Variants in KIAA0825 observed in about 807,000 individuals in gnomAD.
KIAA0825 encodes the protein KIAA0825, also known as uncharacterized protein KIAA0825.
A neutral mutation model predicts 147.6 loss-of-function variants in KIAA0825; 119 were observed. That is an observed-to-expected ratio of 0.81 (90% CI 0.69 to 0.94). The LOEUF (loss-of-function observed/expected upper bound fraction) is 0.94, where lower values mean the gene tolerates loss of function less well. Among genes scored for constraint, KIAA0825 ranks in the 40% least tolerant of loss-of-function variants. The pLI is 0.00. For missense variants in KIAA0825, 1,381 were observed against 1,472.7 expected, an observed-to-expected ratio of 0.94 and a Z score of 1.02; for synonymous variants, 470 against 518.1, an observed-to-expected ratio of 0.91 and a Z score of 1.26.
At chr5:94,289,753 A>G (rs556551568) in intron 20 of KIAA0825, among the ~76,000 whole-genome samples, 23 of 151,646 alleles carry the variant, frequency 1.5e-4, no homozygotes, top group Middle Eastern at 3.4e-3. Context: ...GTTGAAAAAT[A>G]TTCAGGCCAG....
At chr5:94,494,066 A>C (rs1458356086) in intron 5 of KIAA0825, among the ~76,000 whole-genome samples, 1 of 152,142 alleles carries the variant, frequency 6.6e-6, no homozygotes, top group Non-Finnish European at 1.5e-5. Flanking sequence ...GTCACCCTGA[A>C]GCTATTCTTC....
intron 20 of KIAA0825, among the ~76,000 whole-genome samples, chr5:94,351,021 C>T (rs1030248938): frequency 6.6e-6 from 1 of 151,742 alleles, no homozygotes; most frequent in South Asian, 2.1e-4. Context: ...TGAAGGATGC[C>T]CACTCTTACC....
chr5:94,351,564 T>G (rs1039550786), intron 20 of KIAA0825, among the ~76,000 whole-genome samples: 26 of 152,154 alleles, frequency 1.7e-4, no homozygotes, highest in Non-Finnish European at 4.4e-5. Flanking sequence ...ACCACCATCA[T>G]TCTTCACAGA....
chr5:94,363,804 G>A (rs544325367), intron 20 of KIAA0825, among the ~76,000 whole-genome samples: 2 of 152,102 alleles, frequency 1.3e-5, no homozygotes, highest in African/African-American at 4.8e-5. Flanking sequence ...GGAATGTGAG[G>A]CTGCAGTGAG....
intron 15 of KIAA0825, chr5:94,415,378 T>C (rs946643617): frequency 6.6e-6 from 1 of 152,220 alleles, no homozygotes; most frequent in Non-Finnish European, 1.5e-5. Flanking sequence ...TCAGCTGTAT[T>C]ACTTGTAACA....
chr5:94,373,828 T>G (rs1204246675), intron 20 of KIAA0825, among the ~76,000 whole-genome samples: 1 of 152,204 alleles, frequency 6.6e-6, no homozygotes, highest in African/African-American at 2.4e-5. Context: ...TTTAGATATT[T>G]TAATTTCTCT....
intron 20 of KIAA0825, among the ~76,000 whole-genome samples, chr5:94,236,161 G>A (rs1306624650): frequency 6.6e-6 from 1 of 152,212 alleles, no homozygotes; most frequent in African/African-American, 2.4e-5. Flanking sequence ...ATGGACCTGG[G>A]AAAAGTCACT....
At chr5:94,474,398 C>T (rs965466435) in intron 7 of KIAA0825, among the ~76,000 whole-genome samples, 2 of 152,136 alleles carry the variant, frequency 1.3e-5, no homozygotes, top group East Asian at 1.9e-4. Context: ...TTTACAGTAA[C>T]GTGCCACCTA....
chr5:94,290,700 A>C (rs1305500173), intron 20 of KIAA0825, among the ~76,000 whole-genome samples: 2 of 152,178 alleles, frequency 1.3e-5, no homozygotes, highest in African/African-American at 2.4e-5. Flanking sequence ...ATCCTTGAGG[A>C]ATCACCACAC....
intron 14 of KIAA0825, among the ~76,000 whole-genome samples, chr5:94,428,354 A>G (rs530727397): frequency 1.4e-4 from 22 of 152,082 alleles, no homozygotes; most frequent in African/African-American, 4.6e-4. Context: ...TGGGCTATGT[A>G]TTTATGTGTG....
chr5:94,543,551 CCTA>C (rs1773751593), intron 2 of KIAA0825, among the ~76,000 whole-genome samples: 1 of 152,138 alleles, frequency 6.6e-6, no homozygotes, highest in African/African-American at 2.4e-5. Context: ...CTTACTGATT[CCTA>C]CTGATGCTTT....
At chr5:94,608,991 A>T (rs977813451) in intron 1 of KIAA0825, among the ~76,000 whole-genome samples, 2 of 152,218 alleles carry the variant, frequency 1.3e-5, no homozygotes, top group African/African-American at 4.8e-5. Flanking sequence ...TAAAAGATTT[A>T]TTAAAAGTAC....
Position 94,501,706 on chromosome 5 carries a change from A to T in KIAA0825, c.971-16776T>A, listed in dbSNP as rs566018617. 8.5e-5 allele frequency among the ~76,000 whole-genome samples: 13 copies of T among 152,346 alleles called. No individual in the cohort carries two copies. The South Asian group carries it at 2.7e-3, about 32-fold the overall frequency. On this transcript the variant is annotated intron_variant, in intron 5 of 20. Coordinates refer to ENST00000682413, the MANE Select transcript of KIAA0825 (RefSeq NM_001145678.3). ...TCATGCTCAATGAATGTATCTAGAT[A>T]TTCATGCTTCTGAATATTGGTAGTT... is the stretch of plus-strand genomic sequence containing the variant.
intron 1 of KIAA0825, among the ~76,000 whole-genome samples, chr5:94,610,278 G>A (rs932136500): frequency 6.6e-6 from 1 of 151,308 alleles, no homozygotes; most frequent in Non-Finnish European, 1.5e-5. Context: ...AAATTAGCTG[G>A]GCATGGTGGC....
intron 14 of KIAA0825, among the ~76,000 whole-genome samples, chr5:94,422,225 G>A (rs1157466627): frequency 6.6e-6 from 1 of 152,148 alleles, no homozygotes; most frequent in East Asian, 1.9e-4. Flanking sequence ...TTCCTCTAAA[G>A]TAGGTCATAA....
intron 20 of KIAA0825, among the ~76,000 whole-genome samples, chr5:94,356,636 C>T (rs990024789): frequency 1.3e-5 from 2 of 150,766 alleles, no homozygotes; most frequent in African/African-American, 4.9e-5. Context: ...ACAAAAAAAA[C>T]ACATGAACTA....
chr5:94,556,280 A>G (rs1271712718), intron 2 of KIAA0825, among the ~76,000 whole-genome samples: 2 of 152,054 alleles, frequency 1.3e-5, no homozygotes, highest in African/African-American at 2.4e-5. Flanking sequence ...GGGTTTCACC[A>G]TGTTGGCCAG....
Position 94,332,687 on chromosome 5 carries a change from G to A in KIAA0825, c.3710+51681C>T, listed in dbSNP as rs187266775. Among the ~76,000 whole-genome samples, 5 of 152,222 alleles carry A rather than the reference G, an allele frequency of 3.3e-5. No homozygotes were observed. The East Asian group carries it at 7.7e-4, about 24-fold the overall frequency. On this transcript the variant is annotated intron_variant, in intron 20 of 20. Coordinates refer to ENST00000682413, the MANE Select transcript of KIAA0825 (RefSeq NM_001145678.3). ...GTGAATAGTGCTGCAAGAAACATAC[G>A]TGTGCATGTGTCTTTTTACATGATT... is the stretch of plus-strand genomic sequence containing the variant.
At chr5:94,250,525 TTTGACACCC>T (rs1216118527) in intron 20 of KIAA0825, among the ~76,000 whole-genome samples, 2 of 152,144 alleles carry the variant, frequency 1.3e-5, no homozygotes, top group African/African-American at 4.8e-5. Flanking sequence ...AAACTAGTAC[TTTGACACCC>T]TGGCAGAAAT....
Sources: gnomAD v4.1 joint callset for allele counts (sites outside exome capture counted in the v4.1 genomes callset) on GRCh38, gnomAD v4.1.1 for gene constraint, MANE v1.5 for transcripts, NCBI Gene and HGNC (gene_info 2026-07-23, HGNC 2026-07-21) for gene names.